The following PDE4D variants were observed in gnomAD, a reference collection of about 807,000 sequenced individuals.
PDE4D encodes the protein phosphodiesterase 4D.
A neutral mutation model predicts 87.4 loss-of-function variants in PDE4D; 24 were observed. That is an observed-to-expected ratio of 0.27 (90% CI 0.20 to 0.39). The LOEUF is 0.39. PDE4D is among the 10% of genes least tolerant of loss of function. PDE4D has a pLI of 1.00. For missense variants in PDE4D, 714 were observed against 1,041.0 expected (o/e 0.69, Z 4.32); for synonymous variants, 384 against 383.2 (o/e 1.00, Z -0.02).
At chr5:59,545,762 A>G (rs1468203294) in intron 1 of PDE4D, among the ~76,000 whole-genome samples, 2 of 152,196 alleles carry the variant, frequency 1.3e-5, no homozygotes, top group African/African-American at 4.8e-5. Context: ...AATTCACAAT[A>G]TAAATATAAT....
In PDE4D at chr5:60,192,910, T is replaced by A. The variant is rs548657673; in HGVS notation, c.-89-7223A>T. ...TTCAGAGGACATACAAAAGTGCTAG[T>A]TTTTTGTTCGTGGAATTGTTAGATT... On this transcript the variant is annotated intron_variant, in intron 1 of 16. Coordinates refer to the PDE4D transcript ENST00000502484. Among the ~76,000 whole-genome samples, 101 of 152,210 alleles carry A rather than the reference T, an allele frequency of 6.6e-4. 1 individual carries two copies. The highest frequency in any genetic ancestry group is 1.3e-3 in the Non-Finnish European group (91 of 68,032).
chr5:59,651,360 A>G (rs1743475730), intron 1 of PDE4D, among the ~76,000 whole-genome samples: 1 of 150,890 alleles, frequency 6.6e-6, no homozygotes, highest in South Asian at 2.1e-4. Flanking sequence ...TTCTTTCTCA[A>G]CCTCTAATAC....
chr5:60,479,299 A>C (rs1201161799), intron 1 of PDE4D, among the ~76,000 whole-genome samples: 1 of 152,186 alleles, frequency 6.6e-6, no homozygotes. Flanking sequence ...ATAATTTTGC[A>C]TCATGTTATG....
At chr5:59,501,102 C>T (rs1018597345) in intron 1 of PDE4D, among the ~76,000 whole-genome samples, 1 of 152,116 alleles carries the variant, frequency 6.6e-6, no homozygotes, top group Non-Finnish European at 1.5e-5. Context: ...TCATTGTATT[C>T]TTTTTAACAA....
chr5:60,071,835 G>A (rs980853223), intron 2 of PDE4D, among the ~76,000 whole-genome samples: 5 of 152,028 alleles, frequency 3.3e-5, no homozygotes, highest in African/African-American at 4.8e-5. Context: ...CCATGTTCCC[G>A]CAAAGGACAC....
At chr5:59,252,986 C>T (rs56028107) in intron 1 of PDE4D, among the ~76,000 whole-genome samples, 1 of 152,260 alleles carries the variant, frequency 6.6e-6, no homozygotes, top group Non-Finnish European at 1.5e-5. Context: ...CGTAGCCCAG[C>T]CATGGTTCTT....
chr5:59,232,513 A>AT (rs1444592556), intron 1 of PDE4D, among the ~76,000 whole-genome samples: 3 of 146,714 alleles, frequency 2.0e-5, no homozygotes, highest in African/African-American at 4.9e-5. Flanking sequence ...TAAAAGACCA[A>AT]AAAAAAAAAA....
chr5:58,976,296 T>C lies in PDE4D; in HGVS notation c.1830+54A>G, dbSNP rs1358390245. Reference sequence around the variant, plus strand: ...CTTATCAAAGCTGAACACGCAGACATGTGCACATGTGCACAGACACACACA... The same window carrying C: ...CTTATCAAAGCTGAACACGCAGACACGTGCACATGTGCACAGACACACACA... On this transcript the variant is annotated intron_variant, in intron 13 of 14. Transcript: ENST00000340635. 1.9e-6 allele frequency: 3 copies of C among 1,579,994 alleles called. No homozygotes were observed. The African/African-American group carries it at 4.1e-5, about 21-fold the overall frequency.
intron 2 of PDE4D, chr5:60,021,149 A>T (rs528655667): frequency 6.6e-6 from 1 of 152,338 alleles, no homozygotes; most frequent in African/African-American, 2.4e-5. Flanking sequence ...CTATAAGGGG[A>T]AAATAAAAGT....
chr5:59,262,762 T>C (rs564014748), intron 1 of PDE4D, among the ~76,000 whole-genome samples: 1 of 151,968 alleles, frequency 6.6e-6, no homozygotes, highest in East Asian at 1.9e-4. Context: ...CTTGGCTTCA[T>C]ATAAAAATCA....
intron 1 of PDE4D, among the ~76,000 whole-genome samples, chr5:59,847,368 C>T (rs1352979368): frequency 6.6e-6 from 1 of 151,998 alleles, no homozygotes; most frequent in African/African-American, 2.4e-5. Flanking sequence ...ATTTCAGTCC[C>T]TGAGTTGAAT....
chr5:59,396,100 G>A (rs1399183309), intron 1 of PDE4D, among the ~76,000 whole-genome samples: 1 of 120,456 alleles, frequency 8.3e-6, no homozygotes, highest in African/African-American at 3.3e-5. Context: ...CCAAGTCTAC[G>A]TCTGACTGGT....
intron 1 of PDE4D, among the ~76,000 whole-genome samples, chr5:60,465,082 C>G (rs1380385479): frequency 6.6e-6 from 1 of 151,564 alleles, no homozygotes; most frequent in Non-Finnish European, 1.5e-5. Flanking sequence ...GCACTCCAGC[C>G]TAAGTGACAG....
chr5:60,438,668 A>T (rs1479234036), intron 1 of PDE4D, among the ~76,000 whole-genome samples: 1 of 150,278 alleles, frequency 6.7e-6, no homozygotes, highest in Non-Finnish European at 1.5e-5. Context: ...AAAATGAGCA[A>T]TTTTTTTTTT....
At chr5:60,099,931 T>C (rs1347528365) in intron 2 of PDE4D, among the ~76,000 whole-genome samples, 2 of 151,964 alleles carry the variant, frequency 1.3e-5, no homozygotes, top group Non-Finnish European at 2.9e-5. Flanking sequence ...TGATGTTAGT[T>C]ATTCACTGTA....
chr5:60,009,030 A>T (rs1582156132), intron 2 of PDE4D, among the ~76,000 whole-genome samples: 1 of 152,022 alleles, frequency 6.6e-6, no homozygotes, highest in East Asian at 1.9e-4. Context: ...TGAACAGGAA[A>T]TGTGAAGACC....
intron 1 of PDE4D, among the ~76,000 whole-genome samples, chr5:60,408,191 C>T (rs183959508): frequency 2.6e-5 from 4 of 152,292 alleles, no homozygotes; most frequent in Non-Finnish European, 4.4e-5. Flanking sequence ...AACCTATTCC[C>T]GCTGTGCCTT....
chr5:59,157,287 C>A, intron 5 of PDE4D: 1 of 701,990 alleles, frequency 1.4e-6, no homozygotes, highest in South Asian at 1.5e-5. Context: ...TTTTCAAGGT[C>A]AGCCAAATCA....
At chr5:60,437,289 G>A (rs1744835656) in intron 1 of PDE4D, among the ~76,000 whole-genome samples, 1 of 152,042 alleles carries the variant, frequency 6.6e-6, no homozygotes, top group Admixed American at 6.6e-5. Flanking sequence ...GTTTTGGGCA[G>A]GCTATTTGAC....
Sources: allele counts gnomAD v4.1 joint callset (sites outside exome capture counted in the v4.1 genomes callset), GRCh38; gene constraint gnomAD v4.1.1; transcripts MANE v1.5; gene names NCBI Gene and HGNC (gene_info 2026-07-23, HGNC 2026-07-21).